Variants in RAPGEF6 observed in about 807,000 individuals in gnomAD.
The protein encoded by RAPGEF6 is PDZ domain containing guanine nucleotide exchange factor (GEF) 2.
A neutral mutation model predicts 171.4 loss-of-function variants in RAPGEF6; 56 were observed. The ratio of observed to expected loss-of-function variants is 0.33; its 90% CI spans 0.26 to 0.41. The LOEUF (loss-of-function observed/expected upper bound fraction) is 0.41, where lower values mean the gene tolerates loss of function less well. Ranked by LOEUF, RAPGEF6 falls within the 10% of genes least tolerant of loss-of-function variation. The pLI is 1.00. For synonymous variants in RAPGEF6, 692 were observed against 650.1 expected (o/e 1.06, Z -0.98); for missense variants, 1,674 against 1,921.4 (o/e 0.87, Z 2.41).
chr5:131,613,337 G>A (rs556738044), intron 1 of RAPGEF6, among the ~76,000 whole-genome samples: 3 of 152,240 alleles, frequency 2.0e-5, no homozygotes, highest in Admixed American at 6.5e-5. Context: ...GTGAACCCAG[G>A]AGGCAGGGCT....
chr5:131,598,294 A>C (rs1189151983), intron 3 of RAPGEF6, among the ~76,000 whole-genome samples: 2 of 152,196 alleles, frequency 1.3e-5, no homozygotes, highest in Admixed American at 1.3e-4. Context: ...ACACAGACAG[A>C]AAAAAGGACG....
At chr5:131,472,397 C>T in intron 17 of RAPGEF6, 190 bp downstream of exon 17, 1 of 732,988 alleles carries the variant, frequency 1.4e-6, no homozygotes, top group Non-Finnish European at 2.4e-6. Context: ...TTATGTACTT[C>T]TGTTTCACTT....
At chr5:131,610,800 G>C (rs1004936121) in intron 1 of RAPGEF6, among the ~76,000 whole-genome samples, 2 of 152,186 alleles carry the variant, frequency 1.3e-5, no homozygotes, top group African/African-American at 4.8e-5. Context: ...CCATGGAGGA[G>C]CTGCTCCCTG....
intron 15 of RAPGEF6, 98 bp from the exon 16 acceptor site, chr5:131,479,851 A>G (rs1225794241): frequency 1.4e-5 from 18 of 1,285,430 alleles, no homozygotes; most frequent in Non-Finnish European, 1.9e-5. Context: ...ACTTTCCATT[A>G]TTTGAACTTT....
At chr5:131,617,913 T>A (rs1205478430) in intron 1 of RAPGEF6, among the ~76,000 whole-genome samples, 1 of 152,198 alleles carries the variant, frequency 6.6e-6, no homozygotes, top group African/African-American at 2.4e-5. Context: ...GATTTTCTCA[T>A]TCATGGAGGT....
chr5:131,634,082 A>G (rs923545297), intron 1 of RAPGEF6, among the ~76,000 whole-genome samples: 1 of 152,208 alleles, frequency 6.6e-6, no homozygotes, highest in Admixed American at 6.5e-5. Flanking sequence ...AGTATGCAAA[A>G]CACTACATAT....
intron 3 of RAPGEF6, among the ~76,000 whole-genome samples, chr5:131,596,692 GA>G (rs1561593026): frequency 6.6e-6 from 1 of 152,008 alleles, no homozygotes; most frequent in African/African-American, 2.4e-5. Flanking sequence ...TCTCCTTGCA[GA>G]AGAATAAGAC....
At chr5:131,541,580 C>A (rs1442346273) in intron 6 of RAPGEF6, among the ~76,000 whole-genome samples, 1 of 151,518 alleles carries the variant, frequency 6.6e-6, no homozygotes. Context: ...TGGTTTCAAA[C>A]TCCTGGCTTC....
intron 6 of RAPGEF6, among the ~76,000 whole-genome samples, chr5:131,528,695 G>A (rs760212223): frequency 3.9e-4 from 60 of 152,030 alleles, no homozygotes; most frequent in Middle Eastern, 3.4e-3. Context: ...TACAATTTAG[G>A]AGAAAATCAG....
intron 6 of RAPGEF6, among the ~76,000 whole-genome samples, chr5:131,532,522 G>A (rs1267184338): frequency 1.3e-5 from 2 of 152,162 alleles, no homozygotes; most frequent in Non-Finnish European, 2.9e-5. Flanking sequence ...CCTGGATTCC[G>A]TGAAACCTTT....
intron 5 of RAPGEF6, among the ~76,000 whole-genome samples, chr5:131,559,020 A>C (rs1234805616): frequency 6.6e-6 from 1 of 152,112 alleles, no homozygotes; most frequent in East Asian, 1.9e-4. Flanking sequence ...TTTGTCAGTT[A>C]CTTTAGAGGT....
intron 1 of RAPGEF6, among the ~76,000 whole-genome samples, chr5:131,625,848 A>G (rs944894210): frequency 6.6e-6 from 1 of 151,552 alleles, no homozygotes; most frequent in Non-Finnish European, 1.5e-5. Flanking sequence ...TGGTTTCCAT[A>G]TTATCTTAGT....
At chr5:131,445,412 T>C (rs1157014294) in intron 22 of RAPGEF6, among the ~76,000 whole-genome samples, 1 of 152,132 alleles carries the variant, frequency 6.6e-6, no homozygotes. Context: ...GGTCAATCCA[T>C]GATGACTACT....
At chr5:131,624,659 C>G (rs956627103) in intron 1 of RAPGEF6, among the ~76,000 whole-genome samples, 1 of 152,066 alleles carries the variant, frequency 6.6e-6, no homozygotes, top group Non-Finnish European at 1.5e-5. Context: ...AAACACTCCA[C>G]TCAAATTAAG....
chr5:131,556,102 T>C (rs146274586), intron 5 of RAPGEF6, among the ~76,000 whole-genome samples: 186 of 151,902 alleles, frequency 1.2e-3, no homozygotes, highest in African/African-American at 4.4e-3. Context: ...ATACATGTGA[T>C]CAGTCATAAC....
chr5:131,604,660 T>C lies in RAPGEF6; in HGVS notation c.103A>G (p.Met35Val), dbSNP rs751988842. Residue 35 changes from methionine (M) to valine (V), a missense_variant, in exon 2 of 28, where the codon ATG becomes GTG. Transcript: ENST00000509018. ...TCCCTGAGATTTGATAATATTTCCATTCCATGAAGATAAGAATAAATAGTA... is the reference window on the plus strand; with the variant it reads ...TCCCTGAGATTTGATAATATTTCCACTCCATGAAGATAAGAATAAATAGTA... ...LNTIYSYLHG[M>V]EILSNLREHQ... 20 of 1,611,820 alleles carry C rather than the reference T, an allele frequency of 1.2e-5. No homozygotes were observed. Among genetic ancestry groups the C allele is most frequent in the Non-Finnish European group, 1.6e-5 (19 of 1,178,994 alleles).
At chr5:131,466,465 C>G (rs1027361179) in intron 17 of RAPGEF6, among the ~76,000 whole-genome samples, 22 of 152,184 alleles carry the variant, frequency 1.4e-4, no homozygotes, top group Non-Finnish European at 2.2e-4. Context: ...GTGTCCCCAA[C>G]CAAATCTCAT....
Position 131,548,174 on chromosome 5 carries a change from T to C in RAPGEF6, c.368A>G (p.Asp123Gly). 6.2e-7 allele frequency: 1 copy of C among 1,613,808 alleles called. No individual in the cohort carries two copies. Among genetic ancestry groups the C allele is most frequent in the South Asian group, 1.1e-5 (1 of 91,030 alleles). Reference sequence around the variant, plus strand: ...TCTTTGTAGAATACTATCTTCATTATCTTTGGCATTCTCTACCTGAAACAC... The same window carrying C: ...TCTTTGTAGAATACTATCTTCATTACCTTTGGCATTCTCTACCTGAAACAC... ...SEMIVVENAKDNEDSILQREI... is the reference protein window; with the variant it reads ...SEMIVVENAKGNEDSILQREI... The change falls in exon 6 of 28, where the codon GAT becomes GGT. Residue 123 changes from aspartate to glycine, a missense_variant. Around this residue, in one of 3 missense-constraint regions of RAPGEF6, gnomAD observed 1,116 missense variants for 1,321.5 expected, o/e 0.84. Coordinates refer to ENST00000509018, the MANE Select transcript of RAPGEF6 (RefSeq NM_016340.6).
At chr5:131,573,284 A>G (rs1440450687) in intron 4 of RAPGEF6, among the ~76,000 whole-genome samples, 1 of 152,102 alleles carries the variant, frequency 6.6e-6, no homozygotes, top group Non-Finnish European at 1.5e-5. Context: ...CTACCTGCCC[A>G]ACAATTTCCT....
Sources: gnomAD v4.1 joint callset for allele counts (sites outside exome capture counted in the v4.1 genomes callset) on GRCh38, gnomAD v4.1.1 for gene constraint, gnomAD v4.1.1 regional missense constraint, MANE v1.5 for transcripts, NCBI Gene and HGNC (gene_info 2026-07-23, HGNC 2026-07-21) for gene names.